POC1B: variants seen among roughly 807,000 people sequenced by gnomAD.
The protein encoded by POC1B is POC1 centriolar protein B.
POC1B carries 44 observed loss-of-function variants against 60.6 expected under a neutral mutation model. The ratio of observed to expected loss-of-function variants is 0.73; its 90% CI spans 0.57 to 0.93. The LOEUF (loss-of-function observed/expected upper bound fraction) is 0.93, where lower values mean the gene tolerates loss of function less well. Among genes scored for constraint, POC1B ranks in the 40% least tolerant of loss-of-function variants. The pLI is 0.00. For synonymous variants in POC1B, 180 were observed against 198.9 expected, an observed-to-expected ratio of 0.90 and a Z score of 0.80; for missense variants, 555 against 572.3, an observed-to-expected ratio of 0.97 and a Z score of 0.31.
rs1177949740 is a variant in POC1B, at chr12:89,421,125, GC to G, written c.*27del. The G allele has an allele frequency of 6.5e-7, 1 of 1,532,036 alleles. No homozygotes were observed. Among genetic ancestry groups the G allele is most frequent in the Admixed American group, 1.8e-5 (1 of 55,726 alleles). 94.9% of individuals were successfully genotyped at this position (1,532,036 alleles called of 1,614,324 possible). On this transcript the variant is annotated 3_prime_UTR_variant, in exon 12 of 12. Coordinates refer to ENST00000313546, the MANE Select transcript of POC1B (RefSeq NM_172240.3). Reference sequence around the variant, plus strand: ...ACATTTGTTCATTTATTGGGCCTCTGCCCAACAAATGAAAATGAATTTTTTA... The same window carrying G: ...ACATTTGTTCATTTATTGGGCCTCTGCCAACAAATGAAAATGAATTTTTTA...
chr12:89,480,888 C>CTG (rs1243911582), intron 4 of POC1B, among the ~76,000 whole-genome samples: 1 of 152,174 alleles, frequency 6.6e-6, no homozygotes, highest in Non-Finnish European at 1.5e-5. Flanking sequence ...GCATGAGCCA[C>CTG]CACGCCCAGC....
At chr12:89,418,402 GTGTTC>G (rs1880402405), downstream of POC1B, among the ~76,000 whole-genome samples, 1 of 152,196 alleles carries the variant, frequency 6.6e-6, no homozygotes, top group African/African-American at 2.4e-5. Flanking sequence ...AAGCCCTGAA[GTGTTC>G]TGTGCTGAAG....
chr12:89,456,006 T>TTTTG (rs1555181522), intron 10 of POC1B, among the ~76,000 whole-genome samples: 1 of 148,206 alleles, frequency 6.7e-6, no homozygotes, highest in African/African-American at 2.5e-5. Context: ...AAAACTCTTT[T>TTTTG]TTGTTGTTGT....
chr12:89,423,406 G>A (rs1880626988), intron 11 of POC1B, among the ~76,000 whole-genome samples: 2 of 152,120 alleles, frequency 1.3e-5, no homozygotes, highest in Admixed American at 1.3e-4. Flanking sequence ...CCAAAGTGCT[G>A]GGATTATAGG....
At chr12:89,451,196 C>G (rs566231243) in intron 10 of POC1B, among the ~76,000 whole-genome samples, 5 of 152,242 alleles carry the variant, frequency 3.3e-5, no homozygotes, top group African/African-American at 1.2e-4. Context: ...AAACAAACAA[C>G]TCTATGTGCT....
At chr12:89,443,461 G>A (rs1266202058) in intron 10 of POC1B, among the ~76,000 whole-genome samples, 9 of 151,848 alleles carry the variant, frequency 5.9e-5, no homozygotes, top group African/African-American at 1.9e-4. Context: ...ACTCAAAACC[G>A]CTCAACTACA....
intron 4 of POC1B, among the ~76,000 whole-genome samples, chr12:89,489,808 T>C (rs192633475): frequency 4.8e-4 from 73 of 152,308 alleles, no homozygotes; most frequent in African/African-American, 1.7e-3. Context: ...CCTATCCCCA[T>C]GCCTAGAACA....
intron 2 of POC1B, chr12:89,501,656 CG>C: frequency 8.8e-7 from 1 of 1,132,782 alleles, no homozygotes; most frequent in Non-Finnish European, 1.3e-6. Context: ...TCAACTGTCA[CG>C]AGAAGTCGAA....
chr12:89,464,906 A>G (rs1405187814), intron 9 of POC1B, among the ~76,000 whole-genome samples: 1 of 152,138 alleles, frequency 6.6e-6, no homozygotes, highest in African/African-American at 2.4e-5. Flanking sequence ...GTGTTTTACA[A>G]AAGCAAGTCA....
chr12:89,408,138 A>T, the POC1B span, among the ~76,000 whole-genome samples: 1 of 152,102 alleles, frequency 6.6e-6, no homozygotes, highest in South Asian at 2.1e-4. Context: ...ACATGAACTC[A>T]TCCTTTTTTA....
chr12:89,410,549 G>C, the POC1B span, among the ~76,000 whole-genome samples: 1 of 151,886 alleles, frequency 6.6e-6, no homozygotes, highest in Non-Finnish European at 1.5e-5. Context: ...GCATGGTGGC[G>C]GGCGCCTGTA....
At chr12:89,451,646 G>A (rs1326819261) in intron 10 of POC1B, among the ~76,000 whole-genome samples, 1 of 152,176 alleles carries the variant, frequency 6.6e-6, no homozygotes, top group African/African-American at 2.4e-5. Flanking sequence ...GAGATGGTAA[G>A]GTTCTAAATC....
intron 6 of POC1B, among the ~76,000 whole-genome samples, chr12:89,470,776 A>T (rs1415326711): frequency 6.6e-6 from 1 of 152,246 alleles, no homozygotes; most frequent in East Asian, 1.9e-4. Flanking sequence ...ACTGACAGTT[A>T]ATCATCACCA....
intron 2 of POC1B, chr12:89,502,504 G>C: frequency 9.4e-7 from 1 of 1,067,732 alleles, no homozygotes. Flanking sequence ...ATAAGAAAAG[G>C]ATCTGTCTTG....
At chr12:89,464,877 T>C (rs1051641351) in intron 9 of POC1B, among the ~76,000 whole-genome samples, 2 of 152,062 alleles carry the variant, frequency 1.3e-5, no homozygotes, top group African/African-American at 2.4e-5. Flanking sequence ...TCTGGCATTT[T>C]ATATCACAGG....
intron 4 of POC1B, among the ~76,000 whole-genome samples, chr12:89,491,599 G>C (rs1482898366): frequency 6.7e-6 from 1 of 148,918 alleles, no homozygotes; most frequent in Non-Finnish European, 1.5e-5. Flanking sequence ...ACTCCAGCCT[G>C]GGTAACAAGA....
intron 2 of POC1B, chr12:89,502,625 G>C: frequency 7.6e-7 from 1 of 1,319,298 alleles, no homozygotes. Context: ...TATTCTCATG[G>C]ATCTTGTAAG....
At position 89,500,645 on chromosome 12, in the gene POC1B, A is replaced by G. The variant is rs1056129369; in HGVS notation, c.101-3303T>C. The G allele has an allele frequency of 5.1e-6, 8 of 1,579,522 alleles. No individual in the cohort carries two copies. In the African/African-American group the frequency reaches 6.7e-5, roughly 13 times the overall value. On this transcript the variant is annotated intron_variant, in intron 2 of 11. Transcript: ENST00000313546. ...TAGTGCCCAAAAGAGAGAGACTTAC[A>G]CTTTTGAAAATTCAGTAAATATGCT... is the stretch of plus-strand genomic sequence containing the variant.
At chr12:89,511,401 G>A in intron 2 of POC1B, among the ~76,000 whole-genome samples, 1 of 149,156 alleles carries the variant, frequency 6.7e-6, no homozygotes, top group African/African-American at 2.5e-5. Context: ...GGGCAACAAA[G>A]TGAGACTCTG....
Sources: gnomAD v4.1 joint callset for allele counts (sites outside exome capture counted in the v4.1 genomes callset) on GRCh38, gnomAD v4.1.1 for gene constraint, MANE v1.5 for transcripts, NCBI Gene and HGNC (gene_info 2026-07-23, HGNC 2026-07-21) for gene names.